Variants in PLCXD3 observed in about 807,000 individuals in gnomAD.
PLCXD3 encodes the protein PI-PLC X domain-containing protein 3.
In PLCXD3, 19 loss-of-function variants were observed where a neutral mutation model predicts 25.5. The ratio of observed to expected loss-of-function variants is 0.75; its 90% CI spans 0.52 to 1.09. PLCXD3 has a LOEUF of 1.09. Among genes scored for constraint, PLCXD3 ranks in the 50% least tolerant of loss-of-function variants. The pLI is 0.00. For missense variants in PLCXD3, 411 were observed against 388.1 expected (o/e 1.06, Z -0.50); for synonymous variants, 174 against 137.6 (o/e 1.26, Z -1.85).
Position 41,496,153 on chromosome 5 carries a change from G to A in PLCXD3, c.103+14271C>T, listed in dbSNP as rs113942457. On this transcript the variant is annotated intron_variant, in intron 1 of 2. Transcript: ENST00000377801. ...TTGCTAACTTGAGGATAGATCATTC[G>A]AAATTATCCAGTCAGAGGAACAAAA... 1.3e-4 allele frequency among the ~76,000 whole-genome samples: 20 copies of A among 151,994 alleles called. 2 individuals carry two copies. The highest frequency in any genetic ancestry group is 3.9e-4 in the African/African-American group (16 of 41,496).
At chr5:41,393,249 G>T (rs1464990348) in intron 1 of PLCXD3, among the ~76,000 whole-genome samples, 2 of 152,052 alleles carry the variant, frequency 1.3e-5, no homozygotes, top group African/African-American at 4.8e-5. Flanking sequence ...ACCCAAAGAG[G>T]ACTACCTCAA....
intron 1 of PLCXD3, among the ~76,000 whole-genome samples, chr5:41,491,025 T>C (rs1043277562): frequency 2.0e-5 from 3 of 152,208 alleles, no homozygotes; most frequent in Non-Finnish European, 1.5e-5. Context: ...AATTGTGATG[T>C]TAGGTTGTCA....
intron 1 of PLCXD3, 21 bp downstream of exon 1, chr5:41,510,403 C>A (rs897274480): frequency 5.3e-5 from 85 of 1,590,052 alleles, no homozygotes; most frequent in Non-Finnish European, 6.9e-5. Flanking sequence ...AGCGCCTAGC[C>A]CGCAGCCCCT....
chr5:41,490,269 A>C (rs1462588122), intron 1 of PLCXD3, among the ~76,000 whole-genome samples: 1 of 152,246 alleles, frequency 6.6e-6, no homozygotes, highest in Non-Finnish European at 1.5e-5. Flanking sequence ...CCAGCCTTGC[A>C]TCCCAGGGAT....
At chr5:41,441,069 A>G (rs1747374078) in intron 1 of PLCXD3, among the ~76,000 whole-genome samples, 1 of 152,156 alleles carries the variant, frequency 6.6e-6, no homozygotes, top group Non-Finnish European at 1.5e-5. Flanking sequence ...CTACTCTCCA[A>G]CATCTTGCCA....
intron 1 of PLCXD3, among the ~76,000 whole-genome samples, chr5:41,396,658 A>G (rs978071066): frequency 1.3e-5 from 2 of 152,220 alleles, no homozygotes; most frequent in African/African-American, 4.8e-5. Context: ...AAAATGAGAG[A>G]AAGTTTGGAA....
intron 2 of PLCXD3, among the ~76,000 whole-genome samples, chr5:41,335,985 A>T (rs898701787): frequency 6.6e-6 from 1 of 152,152 alleles, no homozygotes; most frequent in Non-Finnish European, 1.5e-5. Flanking sequence ...GGCTAAATAA[A>T]AACTACTCCC....
chr5:41,456,404 T>A, intron 1 of PLCXD3: 1 of 220,874 alleles, frequency 4.5e-6, no homozygotes, highest in Non-Finnish European at 7.6e-6. Context: ...CTGCTAAGTA[T>A]AAAATATGTA....
At chr5:41,427,409 A>G (rs1746986482) in intron 1 of PLCXD3, among the ~76,000 whole-genome samples, 1 of 152,006 alleles carries the variant, frequency 6.6e-6, no homozygotes, top group Admixed American at 6.6e-5. Flanking sequence ...AGACTTGCAT[A>G]TATAGAAGTT....
rs1042581675 is a variant in PLCXD3, at chr5:41,396,162, A to G, written c.104-13628T>C. Among the ~76,000 whole-genome samples, 4 of 152,260 alleles carry G rather than the reference A, an allele frequency of 2.6e-5. No homozygotes were observed. The East Asian group carries it at 7.7e-4, about 29-fold the overall frequency. Reference sequence around the variant, plus strand: ...ACTGAAATGGTTTGGCTGTGTCCCCACCCAAATCTTATGACAAATTTTAAT... The same window carrying G: ...ACTGAAATGGTTTGGCTGTGTCCCCGCCCAAATCTTATGACAAATTTTAAT... On this transcript the variant is annotated intron_variant, in intron 1 of 2. Transcript: ENST00000377801.
intron 1 of PLCXD3, among the ~76,000 whole-genome samples, chr5:41,448,792 T>C (rs1475837874): frequency 6.6e-6 from 1 of 152,220 alleles, no homozygotes; most frequent in Non-Finnish European, 1.5e-5. Flanking sequence ...ATGCTATTAC[T>C]GTGTTTAAAA....
chr5:41,347,775 T>C (rs573832715), intron 2 of PLCXD3, among the ~76,000 whole-genome samples: 1 of 152,324 alleles, frequency 6.6e-6, no homozygotes, highest in East Asian at 1.9e-4. Context: ...GGAGGCGCTA[T>C]TATTCAAAGA....
chr5:41,378,529 T>C (rs539840065), intron 2 of PLCXD3, among the ~76,000 whole-genome samples: 3 of 152,218 alleles, frequency 2.0e-5, no homozygotes, highest in Admixed American at 1.3e-4. Flanking sequence ...GATACAACTC[T>C]ACTATTCCAG....
chr5:41,351,885 T>C (rs1054351994), intron 2 of PLCXD3, among the ~76,000 whole-genome samples: 1 of 152,236 alleles, frequency 6.6e-6, no homozygotes, highest in African/African-American at 2.4e-5. Context: ...ACTTCTACTC[T>C]TCATTTTTCT....
chr5:41,428,020 A>G (rs1747002476), intron 1 of PLCXD3, among the ~76,000 whole-genome samples: 1 of 152,174 alleles, frequency 6.6e-6, no homozygotes, highest in Non-Finnish European at 1.5e-5. Context: ...GAGGGATCTC[A>G]GTTCCCATTT....
At chr5:41,490,196 G>A (rs557441634) in intron 1 of PLCXD3, among the ~76,000 whole-genome samples, 161 of 152,272 alleles carry the variant, frequency 1.1e-3, no homozygotes, top group African/African-American at 3.6e-3. Flanking sequence ...AGATAATCAC[G>A]TGGTTTTTGT....
chr5:41,400,932 G>A (rs949421415), intron 1 of PLCXD3, among the ~76,000 whole-genome samples: 1 of 151,910 alleles, frequency 6.6e-6, no homozygotes, highest in Non-Finnish European at 1.5e-5. Flanking sequence ...CATTGCATGT[G>A]TGTATCAAAA....
At chr5:41,473,852 T>C (rs13155221) in intron 1 of PLCXD3, among the ~76,000 whole-genome samples, 96,468 of 152,024 alleles carry the variant, frequency 0.63, 31,857 homozygotes, top group East Asian at 0.74. Flanking sequence ...ACCCCATTAA[T>C]TACCATTACA....
chr5:41,474,591 C>T (rs749862035), intron 1 of PLCXD3, among the ~76,000 whole-genome samples: 2 of 152,170 alleles, frequency 1.3e-5, no homozygotes, highest in Non-Finnish European at 2.9e-5. Context: ...ACAGATAAAT[C>T]TCTCTCCTAG....
Sources: allele counts gnomAD v4.1 joint callset (sites outside exome capture counted in the v4.1 genomes callset), GRCh38; gene constraint gnomAD v4.1.1; transcripts MANE v1.5; gene names NCBI Gene and HGNC (gene_info 2026-07-23, HGNC 2026-07-21).